TMX3: variants seen among roughly 807,000 people sequenced by gnomAD.
TMX3 encodes thioredoxin related transmembrane protein 3.
TMX3 carries 40 observed loss-of-function variants against 64.4 expected under a neutral mutation model. The observed-to-expected ratio is 0.62, with a 90% confidence interval of 0.48 to 0.81. The LOEUF (loss-of-function observed/expected upper bound fraction) is 0.81. Among genes scored for constraint, TMX3 ranks in the 30% least tolerant of loss-of-function variants. The pLI, the probability that TMX3 is intolerant of heterozygous loss-of-function variation, is 0.00. For missense variants in TMX3, 497 were observed against 534.5 expected (o/e 0.93, Z 0.69); for synonymous variants, 189 against 175.7 (o/e 1.08, Z -0.60).
intron 4 of TMX3, among the ~76,000 whole-genome samples, chr18:68,702,332 G>A (rs1213391076): frequency 2.0e-5 from 3 of 151,534 alleles, no homozygotes; most frequent in African/African-American, 7.3e-5. Flanking sequence ...CTTTGTTTTA[G>A]GAGTTTCTGC....
At chr18:68,682,349 A>T (rs556044729) in intron 13 of TMX3, among the ~76,000 whole-genome samples, 94 of 152,276 alleles carry the variant, frequency 6.2e-4, no homozygotes, top group African/African-American at 2.2e-3. Context: ...TGGCAAATTA[A>T]ATCTCTACAT....
chr18:68,693,448 G>A (rs1478686039), intron 8 of TMX3, among the ~76,000 whole-genome samples: 1 of 148,942 alleles, frequency 6.7e-6, no homozygotes, highest in Non-Finnish European at 1.5e-5. Context: ...CCCAACCCCT[G>A]CAGGTTCACA....
In TMX3 at chr18:68,676,762, C is replaced by A; in HGVS notation, c.*171G>T. 1 of 780,848 alleles carries A rather than the reference C, an allele frequency of 1.3e-6. No individual in the cohort carries two copies. The highest frequency in any genetic ancestry group is 2.0e-6 in the Non-Finnish European group (1 of 506,066). 48.4% of individuals were successfully genotyped at this position (780,848 alleles called of 1,614,324 possible). A position where few individuals can be genotyped will look rare whatever the true frequency, so the allele number is the denominator to read the frequency against. On this transcript the variant is annotated 3_prime_UTR_variant, in exon 16 of 16. Coordinates refer to ENST00000299608, the MANE Select transcript of TMX3 (RefSeq NM_019022.5). Reference sequence around the variant, plus strand: ...TTCAGACAAACTGTTCATCTCTTTGCTCCAAACACTTCCCCATGTATGGAG... The same window carrying A: ...TTCAGACAAACTGTTCATCTCTTTGATCCAAACACTTCCCCATGTATGGAG...
At position 68,697,301 on chromosome 18, in the gene TMX3, C is replaced by G. The variant is rs371357421; in HGVS notation, c.495G>C (p.Glu165Asp). The G allele has an allele frequency of 6.5e-7, 1 of 1,541,962 alleles. No individual in the cohort carries two copies. The highest frequency in any genetic ancestry group is 1.4e-5 in the African/African-American group (1 of 72,478). Reference protein sequence around the residue: ...VYVGGESPLKEKYIDAASELI... With the variant: ...VYVGGESPLKDKYIDAASELI... Reference sequence around the variant, plus strand: ...ATTCTGAAGCAGCATCTATGTATTTCTCCTATGAAGATACAAACAGAAAAA... The same window carrying G: ...ATTCTGAAGCAGCATCTATGTATTTGTCCTATGAAGATACAAACAGAAAAA... Residue 165 changes from glutamate (E) to aspartate (D), a missense_variant and splice_region_variant, in exon 8 of 16, where the codon GAG (glutamate) becomes GAC (aspartate). By Grantham distance (45) the Glu-to-Asp change is conservative. Coordinates refer to ENST00000299608, the MANE Select transcript of TMX3 (RefSeq NM_019022.5).
chr18:68,682,887 A>G (rs1913574751), intron 13 of TMX3, 38 bp downstream of exon 13: 1 of 1,563,328 alleles, frequency 6.4e-7, no homozygotes, highest in African/African-American at 1.4e-5. Flanking sequence ...TTAAAAATTA[A>G]TAGATTTGAC....
At chr18:68,697,388 A>G (rs1047856175) in intron 7 of TMX3, 85 bp from the exon 8 acceptor site, 1 of 670,094 alleles carries the variant, frequency 1.5e-6, no homozygotes, top group Non-Finnish European at 2.5e-6. Flanking sequence ...GAGTTACCTT[A>G]TGTAGTAAGA....
In TMX3 at chr18:68,700,429, A is replaced by G. The variant is rs113180102; in HGVS notation, c.368T>C (p.Ile123Thr). ...CCCAGATACTCTGTGAGCAAACTCA[A>G]TAATATCATCTTTTGTTCGTGGTCC... ...YRGPRTKDDI[I>T]EFAHRVSGAL... Residue 123 changes from isoleucine (I) to threonine (T), a missense_variant, in exon 6 of 16, where the codon ATT (isoleucine) becomes ACT (threonine). Ile to Thr is a moderately conservative substitution (Grantham distance 89). Coordinates refer to ENST00000299608, the MANE Select transcript of TMX3 (RefSeq NM_019022.5). The G allele has an allele frequency of 3.2e-6, 5 of 1,582,250 alleles. No individual in the cohort carries two copies. Among genetic ancestry groups the G allele is most frequent in the South Asian group, 1.2e-5 (1 of 83,398 alleles).
intron 4 of TMX3, among the ~76,000 whole-genome samples, chr18:68,702,733 T>C (rs1319451814): frequency 1.3e-5 from 2 of 152,216 alleles, no homozygotes; most frequent in East Asian, 3.8e-4. Flanking sequence ...GTAAGGAAGC[T>C]ACTACATCTG....
rs115125462 is a variant in TMX3 at position 68,714,868 on chromosome 18, A to T, written c.46+68T>A. ...AGGCCTCGCCCCAGACCCGGGTCCA[A>T]TCCCGGCCCCACGGCGGGGCCAGGT... On this transcript the variant is annotated intron_variant, in intron 1 of 15. Coordinates refer to ENST00000299608, the MANE Select transcript of TMX3 (RefSeq NM_019022.5). The T allele has an allele frequency of 1.6e-3, 2,456 of 1,543,918 alleles. 37 individuals carry two copies. In the African/African-American group the frequency reaches 0.03, roughly 19 times the overall value.
chr18:68,691,359 A>G lies in TMX3; in HGVS notation c.573T>C (p.Tyr191=), dbSNP rs1374482818. The change falls in exon 9 of 16, where the codon TAT becomes TAC. Residue 191 remains tyrosine (Y), a splice_region_variant and synonymous_variant. Transcript: ENST00000299608. ...FSASEEVVPE[Y]VTLKEMPAVL... ...CAGCTGGCATCTCTTTTAGTGTCAC[A>G]TACTGCAAAAAATCAGAAGTTTAAA... The G allele has an allele frequency of 6.6e-7, 1 of 1,514,104 alleles. No individual in the cohort carries two copies. The highest frequency in any genetic ancestry group is 2.1e-5 in the Admixed American group (1 of 48,306). 93.8% of individuals were successfully genotyped at this position (1,514,104 alleles called of 1,614,324 possible). A position where few individuals can be genotyped will look rare whatever the true frequency, so the allele number is the denominator to read the frequency against.
rs1464520627 is a variant in TMX3 at position 68,710,117 on chromosome 18, T to C, written c.169A>G (p.Lys57Glu). ...TCATTCCAAATTGGTTCCAGCTTTT[T>C]ACAATGGCCACACCATGGCGCATAA... is the stretch of plus-strand genomic sequence containing the variant. ...DFYAPWCGHCKKLEPIWNEVG... is the reference protein window; with the variant it reads ...DFYAPWCGHCEKLEPIWNEVG... Residue 57 changes from lysine (K) to glutamate (E), a missense_variant, in exon 4 of 16, where the codon AAA (lysine) becomes GAA (glutamate). Physicochemically the swap from Lys to Glu is moderately conservative, Grantham distance 56. Coordinates refer to ENST00000299608, the MANE Select transcript of TMX3 (RefSeq NM_019022.5). 3 of 1,599,250 alleles carry C rather than the reference T, an allele frequency of 1.9e-6. No homozygotes were observed. Among genetic ancestry groups the C allele is most frequent in the South Asian group, 1.1e-5 (1 of 88,094 alleles).
At chr18:68,705,160 G>A (rs2030537605) in intron 4 of TMX3, among the ~76,000 whole-genome samples, 1 of 152,102 alleles carries the variant, frequency 6.6e-6, no homozygotes, top group Non-Finnish European at 1.5e-5. Context: ...CTGGTATCTA[G>A]TGGGCAGAGG....
At chr18:68,695,981 T>C (rs138135057) in intron 8 of TMX3, among the ~76,000 whole-genome samples, 15 of 152,278 alleles carry the variant, frequency 9.9e-5, no homozygotes, top group African/African-American at 3.4e-4. Flanking sequence ...TGTTCGCATT[T>C]TGGACATCTG....
intron 4 of TMX3, among the ~76,000 whole-genome samples, chr18:68,704,722 G>A (rs1273499458): frequency 6.6e-6 from 1 of 152,038 alleles, no homozygotes; most frequent in Non-Finnish European, 1.5e-5. Context: ...TAGCTTTGAA[G>A]TTTTACGATT....
chr18:68,703,274 A>G (rs923426337), intron 4 of TMX3, among the ~76,000 whole-genome samples: 3 of 152,362 alleles, frequency 2.0e-5, no homozygotes, highest in South Asian at 4.1e-4. Context: ...CTGTCAAAAC[A>G]TAAGGACTAA....
At chr18:68,698,142 C>T in intron 6 of TMX3, 111 bp from the exon 7 acceptor site, 1 of 691,834 alleles carries the variant, frequency 1.4e-6, no homozygotes. Flanking sequence ...AATAATATAT[C>T]AACTGCATTT....
At chr18:68,680,600 C>T (rs1443139474) in intron 14 of TMX3, among the ~76,000 whole-genome samples, 1 of 152,100 alleles carries the variant, frequency 6.6e-6, no homozygotes, top group Non-Finnish European at 1.5e-5. Context: ...TCCAATTGTA[C>T]TTTTGGACCT....
In TMX3 at chr18:68,713,886, T is replaced by C. The variant is rs140035735; in HGVS notation, c.61A>G (p.Met21Val). 3.3e-5 allele frequency: 52 copies of C among 1,582,868 alleles called. No homozygotes were observed. The highest frequency in any genetic ancestry group is 6.8e-5 in the African/African-American group (5 of 73,988). ...TCTACAAATCCTTTACAGACGACCATATCAAGTACAACAACTGAAAAAAAA... is the reference window on the plus strand; with the variant it reads ...TCTACAAATCCTTTACAGACGACCACATCAAGTACAACAACTGAAAAAAAA... ...RLCATVVVLD[M>V]VVCKGFVEDL... Residue 21 changes from methionine (M) to valine (V), a missense_variant, in exon 2 of 16, where the codon ATG becomes GTG. By Grantham distance (21) the Met-to-Val change is conservative. Transcript: ENST00000299608.
chr18:68,698,089 C>G, intron 6 of TMX3, 58 bp from the exon 7 acceptor site: 5 of 1,068,484 alleles, frequency 4.7e-6, no homozygotes, highest in Non-Finnish European at 7.0e-6. Flanking sequence ...ACATAATTTA[C>G]TATTTATACT....
Sources: allele counts gnomAD v4.1 joint callset (sites outside exome capture counted in the v4.1 genomes callset), GRCh38; gene constraint gnomAD v4.1.1; transcripts MANE v1.5; gene names NCBI Gene and HGNC (gene_info 2026-07-23, HGNC 2026-07-21).